ARL15: variants seen among roughly 807,000 people sequenced by gnomAD.
The protein encoded by ARL15 is ADP-ribosylation factor-like protein 15.
Under a neutral mutation model 25.2 loss-of-function variants are expected in ARL15, and 19 were observed. That is an observed-to-expected ratio of 0.75 (90% CI 0.53 to 1.10). The LOEUF is 1.10. Among genes scored for constraint, ARL15 ranks in the 50% least tolerant of loss-of-function variants. ARL15 has a pLI of 0.00. For synonymous variants in ARL15, 94 were observed against 86.8 expected (o/e 1.08, Z -0.46); for missense variants, 220 against 246.0 (o/e 0.89, Z 0.71).
chr5:54,104,061 A>G (rs1227308262), intron 4 of ARL15, among the ~76,000 whole-genome samples: 1 of 152,106 alleles, frequency 6.6e-6, no homozygotes, highest in Non-Finnish European at 1.5e-5. Flanking sequence ...GCTGCCTGGA[A>G]ATTGGTCTCA....
At chr5:54,073,722 T>G (rs1305599841) in intron 4 of ARL15, among the ~76,000 whole-genome samples, 2 of 152,216 alleles carry the variant, frequency 1.3e-5, no homozygotes, top group Admixed American at 6.5e-5. Context: ...AAGAAATGTT[T>G]TCCTACTTCT....
chr5:53,911,221 T>C (rs1022227583), intron 4 of ARL15, among the ~76,000 whole-genome samples: 1 of 152,198 alleles, frequency 6.6e-6, no homozygotes, highest in Non-Finnish European at 1.5e-5. Flanking sequence ...ATTTAAAACA[T>C]TTTAAGAATA....
intron 1 of ARL15, among the ~76,000 whole-genome samples, chr5:54,232,785 C>A (rs187462671): frequency 9.2e-5 from 14 of 152,266 alleles, no homozygotes; most frequent in African/African-American, 2.9e-4. Flanking sequence ...TTGGAGTCTA[C>A]CCTCAGCCCC....
rs774397498 is a variant in ARL15 at position 54,171,875 on chromosome 5, G to A, written c.102C>T (p.Asp34=). 5 of 1,613,496 alleles carry A rather than the reference G, an allele frequency of 3.1e-6. No individual in the cohort carries two copies. The Admixed American group carries it at 8.3e-5, about 27-fold the overall frequency. The change falls in exon 2 of 5, where the codon GAC becomes GAT. Residue 34 remains aspartate (D), a synonymous_variant. Transcript: ENST00000504924. ...KGPPPARPEY[D]LVCIGLTGSG... ...AACCTGTGAGGCCTATGCAAACCAG[G>A]TCATATTCTGGTCGTGCAGGTGGTG...
chr5:53,985,819 C>T (rs1053231377), intron 4 of ARL15, among the ~76,000 whole-genome samples: 14 of 152,154 alleles, frequency 9.2e-5, no homozygotes, highest in Non-Finnish European at 1.3e-4. Context: ...TTCAAATACA[C>T]ACAAAAGTAG....
At chr5:53,976,344 C>T (rs1747921246) in intron 4 of ARL15, among the ~76,000 whole-genome samples, 1 of 152,138 alleles carries the variant, frequency 6.6e-6, no homozygotes. Context: ...AGTGACACCA[C>T]CCATTTAGGA....
intron 4 of ARL15, among the ~76,000 whole-genome samples, chr5:54,073,174 C>T (rs143295783): frequency 3.5e-4 from 54 of 152,244 alleles, no homozygotes; most frequent in African/African-American, 1.2e-3. Context: ...ATATGGCAGT[C>T]GGATAAATTA....
At chr5:54,196,937 T>C (rs1390702638) in intron 1 of ARL15, among the ~76,000 whole-genome samples, 1 of 152,092 alleles carries the variant, frequency 6.6e-6, no homozygotes. Flanking sequence ...TGCATTTTCA[T>C]TCATATGAGT....
intron 4 of ARL15, among the ~76,000 whole-genome samples, chr5:53,949,024 T>G (rs1746853329): frequency 6.6e-6 from 1 of 152,186 alleles, no homozygotes; most frequent in Non-Finnish European, 1.5e-5. Flanking sequence ...TGTCCCTGAT[T>G]GCAAATAATA....
chr5:54,181,225 T>C (rs758340279), intron 1 of ARL15, among the ~76,000 whole-genome samples: 4 of 152,214 alleles, frequency 2.6e-5, no homozygotes, highest in Non-Finnish European at 5.9e-5. Context: ...TAAATGTTTC[T>C]TTTAAAAAAA....
chr5:53,946,223 G>A (rs1746724593), intron 4 of ARL15, among the ~76,000 whole-genome samples: 1 of 152,108 alleles, frequency 6.6e-6, no homozygotes, highest in East Asian at 1.9e-4. Context: ...GGAGGCCAAG[G>A]CAGGTGGATC....
At chr5:54,302,828 A>G (rs1579995192) in intron 1 of ARL15, among the ~76,000 whole-genome samples, 2 of 151,306 alleles carry the variant, frequency 1.3e-5, no homozygotes, top group South Asian at 2.1e-4. Flanking sequence ...CTTTACAGAC[A>G]CTCGGAAAAT....
intron 1 of ARL15, among the ~76,000 whole-genome samples, chr5:54,195,855 G>C (rs1019278653): frequency 6.6e-6 from 1 of 152,072 alleles, no homozygotes; most frequent in African/African-American, 2.4e-5. Context: ...CCAAAGAATA[G>C]GTGATTTGGC....
chr5:54,222,589 G>C (rs2112534780), intron 1 of ARL15, among the ~76,000 whole-genome samples: 1 of 152,298 alleles, frequency 6.6e-6, no homozygotes, highest in South Asian at 2.1e-4. Flanking sequence ...TAAATGGTAT[G>C]AAAGTATTTG....
At chr5:54,110,931 A>G (rs1752721623) in intron 4 of ARL15, among the ~76,000 whole-genome samples, 1 of 152,066 alleles carries the variant, frequency 6.6e-6, no homozygotes, top group African/African-American at 2.4e-5. Flanking sequence ...GCATTTTAAT[A>G]CAGTACACAG....
Position 54,239,176 on chromosome 5 carries a change from T to C in ARL15, c.49-67248A>G, listed in dbSNP as rs1477791094. 2.0e-5 allele frequency among the ~76,000 whole-genome samples: 3 copies of C among 151,602 alleles called. No individual in the cohort carries two copies. The East Asian group carries it at 5.8e-4, about 29-fold the overall frequency. On this transcript the variant is annotated intron_variant, in intron 1 of 4. Coordinates refer to ENST00000504924, the MANE Select transcript of ARL15 (RefSeq NM_019087.3). Reference sequence around the variant, plus strand: ...GACTAGCTGTACAACTATTAATAGATAGGAAATTGACTTATCTTTGGGCAA... The same window carrying C: ...GACTAGCTGTACAACTATTAATAGACAGGAAATTGACTTATCTTTGGGCAA...
chr5:54,269,405 A>G (rs1757719447), intron 1 of ARL15, among the ~76,000 whole-genome samples: 1 of 152,102 alleles, frequency 6.6e-6, no homozygotes, highest in African/African-American at 2.4e-5. Flanking sequence ...TAAACTGTGT[A>G]CATAATTGCA....
At chr5:54,016,212 T>C (rs757002242) in intron 4 of ARL15, among the ~76,000 whole-genome samples, 3 of 152,202 alleles carry the variant, frequency 2.0e-5, no homozygotes, top group African/African-American at 4.8e-5. Context: ...GAAAGTTCTC[T>C]CTCCCTTATA....
At chr5:54,220,924 C>CT (rs948281011) in intron 1 of ARL15, among the ~76,000 whole-genome samples, 207 of 149,190 alleles carry the variant, frequency 1.4e-3, no homozygotes, top group African/African-American at 4.6e-3. Flanking sequence ...AGACATGTGT[C>CT]TTTTTTTTTT....
Sources: allele counts gnomAD v4.1 joint callset (sites outside exome capture counted in the v4.1 genomes callset), GRCh38; gene constraint gnomAD v4.1.1; transcripts MANE v1.5; gene names NCBI Gene and HGNC (gene_info 2026-07-23, HGNC 2026-07-21).